Variants in TRHDE observed in about 807,000 individuals in gnomAD.
TRHDE encodes the protein thyrotropin releasing hormone degrading enzyme, also known as thyrotropin-releasing hormone-degrading ectoenzyme.
A neutral mutation model predicts 125.7 loss-of-function variants in TRHDE; 72 were observed. That is an observed-to-expected ratio of 0.57 (90% CI 0.47 to 0.70). TRHDE has a LOEUF of 0.70. TRHDE is among the 30% of genes least tolerant of loss of function. TRHDE has a pLI of 0.00. For missense variants in TRHDE, 1,110 were observed against 1,327.1 expected, an observed-to-expected ratio of 0.84 and a Z score of 2.54; for synonymous variants, 509 against 509.1, an observed-to-expected ratio of 1.00 and a Z score of 0.00.
At chr12:72,504,272 A>G (rs1245093131) in intron 6 of TRHDE, among the ~76,000 whole-genome samples, 1 of 152,072 alleles carries the variant, frequency 6.6e-6, no homozygotes, top group Non-Finnish European at 1.5e-5. Flanking sequence ...GCTGGATATG[A>G]ACTTGGAAGA....
intron 7 of TRHDE, among the ~76,000 whole-genome samples, chr12:72,545,316 A>C (rs534027666): frequency 6.6e-6 from 1 of 151,556 alleles, no homozygotes; most frequent in South Asian, 2.1e-4. Flanking sequence ...ATAAGGAGAA[A>C]TAATTCTCAT....
chr12:72,272,515 C>A lies in TRHDE; in HGVS notation c.-129C>A. 1.8e-6 allele frequency: 1 copy of A among 554,238 alleles called. No individual in the cohort carries two copies. Among genetic ancestry groups the A allele is most frequent in the Non-Finnish European group, 3.2e-6 (1 of 313,506 alleles). 34.3% of individuals were successfully genotyped at this position (554,238 alleles called of 1,614,324 possible). A position where few individuals can be genotyped will look rare whatever the true frequency, so the allele number is the denominator to read the frequency against. On this transcript the variant is annotated 5_prime_UTR_variant, in exon 1 of 19. Transcript: ENST00000261180. This position sits in a 1 kb window ranked among gnomAD's most constrained non-coding sequence, Gnocchi z 6.7. ...TGTCCAGAACCCGTCTTAAAAGAAC[C>A]CGGGCCAGCATCCCCAGTCGCGCGC...
chr12:72,238,328 ATATATACACATTATAT>A lies in TRHDE; in HGVS notation n.279+132577_279+132592del, dbSNP rs1878398797. Among the ~76,000 whole-genome samples, 3 of 34,658 alleles carry A rather than the reference ATATATACACATTATAT, an allele frequency of 8.7e-5. 1 individual carries two copies. The highest frequency in any genetic ancestry group is 3.6e-4 in the African/African-American group (3 of 8,300). The allele number at this position is 34,658 out of a possible 152,430, so 22.7% of individuals were successfully genotyped here. A position where few individuals can be genotyped will look rare whatever the true frequency, so the allele number is the denominator to read the frequency against. Reference sequence around the variant, plus strand: ...TATATATATATATATATATACATATATATATACACATTATATATATATATATATATATATACACATA... The same window carrying A: ...TATATATATATATATATATACATATAATATATATATATATATATACACATA... On this transcript the variant is annotated intron_variant and non_coding_transcript_variant, in intron 2 of 4. Coordinates refer to the TRHDE transcript ENST00000548156.
At position 72,668,517 on chromosome 12, in the gene TRHDE, CATTT is replaced by C. The variant is rs1875175090; in HGVS notation, c.*5326_*5329del. 1 of 151,584 alleles carries C rather than the reference CATTT, an allele frequency of 6.6e-6. No homozygotes were observed. Among genetic ancestry groups the C allele is most frequent in the Non-Finnish European group, 1.5e-5 (1 of 67,750 alleles). The allele number at this position is 151,584 out of a possible 1,614,324, so 9.4% of individuals were successfully genotyped here. On this transcript the variant is annotated 3_prime_UTR_variant, in exon 19 of 19. Transcript: ENST00000261180. ...GTTTATCTTTTGTACATTCCTAGTT[CATTT>C]ATTAATGTACTAAGAAAAAGAAAAC...
chr12:72,485,924 TTC>T (rs1877386065), intron 5 of TRHDE, among the ~76,000 whole-genome samples: 1 of 152,128 alleles, frequency 6.6e-6, no homozygotes, highest in Admixed American at 6.5e-5. Context: ...ATCTTGCTAT[TTC>T]TGAGTACTTG....
At chr12:72,151,090 T>C (rs1275327750) in intron 2 of TRHDE, among the ~76,000 whole-genome samples, 2 of 152,210 alleles carry the variant, frequency 1.3e-5, no homozygotes, top group African/African-American at 2.4e-5. Context: ...TGATCACCAT[T>C]CTAACTGGTG....
At chr12:72,162,868 T>C (rs900812402) in intron 2 of TRHDE, 1 of 151,534 alleles carries the variant, frequency 6.6e-6, no homozygotes, top group Non-Finnish European at 1.5e-5. Context: ...TAGACAATCA[T>C]AGGGGGCATG....
chr12:72,544,537 C>A (rs887133272), intron 7 of TRHDE, among the ~76,000 whole-genome samples: 8 of 151,330 alleles, frequency 5.3e-5, no homozygotes, highest in African/African-American at 1.9e-4. Flanking sequence ...ATTCTCCCCC[C>A]TTTTTTTCTC....
intron 3 of TRHDE, among the ~76,000 whole-genome samples, chr12:72,450,171 A>G (rs1875502141): frequency 6.6e-6 from 1 of 152,120 alleles, no homozygotes. Context: ...ATAGCAATGT[A>G]CTATATTCAG....
chr12:72,531,177 C>T (rs911472751), intron 6 of TRHDE, among the ~76,000 whole-genome samples: 4 of 151,998 alleles, frequency 2.6e-5, no homozygotes, highest in African/African-American at 7.2e-5. Context: ...CTAGGAAATG[C>T]TTTCTTATTG....
At chr12:72,455,873 A>G (rs961304003) in intron 3 of TRHDE, among the ~76,000 whole-genome samples, 3 of 152,032 alleles carry the variant, frequency 2.0e-5, no homozygotes, top group African/African-American at 7.2e-5. Flanking sequence ...GCCTGGAGTT[A>G]TATAGGAGTA....
chr12:72,119,618 C>T lies in TRHDE; in HGVS notation n.279+13866C>T, dbSNP rs1875529082. On this transcript the variant is annotated intron_variant and non_coding_transcript_variant, in intron 2 of 4. Transcript: ENST00000548156. ...TTCTATTTGGACAATTTGCTCAGTA[C>T]AGAAAGTGAAGTGTTGAAGTTTCTA... is the stretch of plus-strand genomic sequence containing the variant. 4.6e-5 allele frequency among the ~76,000 whole-genome samples: 7 copies of T among 152,164 alleles called. No individual in the cohort carries two copies. The South Asian group carries it at 1.4e-3, about 32-fold the overall frequency.
chr12:72,318,486 G>T (rs896598531), intron 2 of TRHDE, among the ~76,000 whole-genome samples: 1 of 152,144 alleles, frequency 6.6e-6, no homozygotes, highest in Admixed American at 6.6e-5. Flanking sequence ...ATTGGTCTTG[G>T]TGTTGGTCTC....
At chr12:72,409,664 T>C (rs1262392956) in intron 3 of TRHDE, among the ~76,000 whole-genome samples, 1 of 152,212 alleles carries the variant, frequency 6.6e-6, no homozygotes, top group Non-Finnish European at 1.5e-5. Context: ...TGTAAGACAG[T>C]ACAATTTTGG....
At chr12:72,533,915 C>A (rs1868711767) in intron 6 of TRHDE, among the ~76,000 whole-genome samples, 1 of 151,938 alleles carries the variant, frequency 6.6e-6, no homozygotes, top group South Asian at 2.1e-4. Flanking sequence ...CTCATATTAT[C>A]TTGAATATAG....
intron 2 of TRHDE, among the ~76,000 whole-genome samples, chr12:72,123,738 A>G (rs1026859877): frequency 4.6e-5 from 7 of 152,140 alleles, no homozygotes; most frequent in Non-Finnish European, 7.4e-5. Flanking sequence ...ATGAGTTATG[A>G]CAGAAATATA....
At chr12:72,200,808 A>G (rs1877544651) in intron 2 of TRHDE, among the ~76,000 whole-genome samples, 1 of 152,166 alleles carries the variant, frequency 6.6e-6, no homozygotes, top group Non-Finnish European at 1.5e-5. Flanking sequence ...GAGAAAACAA[A>G]AAAGTAAACA....
chr12:72,405,444 G>C (rs945894254), intron 3 of TRHDE, among the ~76,000 whole-genome samples: 2 of 152,068 alleles, frequency 1.3e-5, no homozygotes, highest in Non-Finnish European at 2.9e-5. Flanking sequence ...TGGCATCTCT[G>C]GTCTCTAGCT....
chr12:72,188,757 A>C (rs1429703597), intron 2 of TRHDE, among the ~76,000 whole-genome samples: 2 of 152,228 alleles, frequency 1.3e-5, no homozygotes, highest in Non-Finnish European at 2.9e-5. Context: ...AGAATAAATT[A>C]AGCATTTTGG....
Sources: gnomAD v4.1 joint callset for allele counts (sites outside exome capture counted in the v4.1 genomes callset) on GRCh38, gnomAD v4.1.1 for gene constraint, Gnocchi (gnomAD v3.1) non-coding constraint, MANE v1.5 for transcripts, NCBI Gene and HGNC (gene_info 2026-07-23, HGNC 2026-07-21) for gene names.